ERC1: variants seen among roughly 807,000 people sequenced by gnomAD.
ERC1 encodes the protein RAB6 interacting protein 2.
In ERC1, 56 loss-of-function variants were observed where a neutral mutation model predicts 132.0. The ratio of observed to expected loss-of-function variants is 0.42; its 90% CI spans 0.34 to 0.53. The LOEUF is 0.53. Ranked by LOEUF, ERC1 falls within the 20% of genes least tolerant of loss-of-function variation. The pLI, the probability that ERC1 is intolerant of heterozygous loss-of-function variation, is 0.03. For synonymous variants in ERC1, 478 were observed against 476.1 expected, an observed-to-expected ratio of 1.00 and a Z score of -0.05; for missense variants, 1,202 against 1,349.9, an observed-to-expected ratio of 0.89 and a Z score of 1.72.
intron 16 of ERC1, among the ~76,000 whole-genome samples, chr12:1,400,916 A>ATTATTATTT (rs2090981093): frequency 1.3e-4 from 2 of 15,040 alleles, no homozygotes; most frequent in African/African-American, 3.1e-4. Context: ...CTATTTTTGT[A>ATTATTATTT]TTTTTTTTTT....
intron 1 of ERC1, among the ~76,000 whole-genome samples, chr12:1,004,183 G>A (rs1762160866): frequency 6.6e-6 from 1 of 152,138 alleles, no homozygotes; most frequent in African/African-American, 2.4e-5. Flanking sequence ...TTTCCCTACA[G>A]ATGTTTGTTA....
intron 4 of ERC1, among the ~76,000 whole-genome samples, chr12:1,105,766 T>C (rs764162652): frequency 4.6e-5 from 7 of 152,224 alleles, no homozygotes; most frequent in Non-Finnish European, 8.8e-5. Context: ...TACAAGTACT[T>C]GACGTGACAA....
intron 2 of ERC1, among the ~76,000 whole-genome samples, chr12:1,044,305 G>C (rs1970742698): frequency 6.6e-6 from 1 of 152,178 alleles, no homozygotes; most frequent in Non-Finnish European, 1.5e-5. Context: ...AGTTATCCTA[G>C]TGGAATTCTC....
At chr12:1,351,214 A>G (rs1207151186) in intron 15 of ERC1, among the ~76,000 whole-genome samples, 2 of 152,234 alleles carry the variant, frequency 1.3e-5, no homozygotes, top group East Asian at 3.8e-4. Context: ...ACAAATCTAA[A>G]GAATAGCTCT....
At chr12:1,227,769 A>G (rs2074706148) in intron 12 of ERC1, among the ~76,000 whole-genome samples, 1 of 152,136 alleles carries the variant, frequency 6.6e-6, no homozygotes, top group Admixed American at 6.5e-5. Context: ...GTTTTCTTCT[A>G]CTAGTTTTAA....
intron 16 of ERC1, among the ~76,000 whole-genome samples, chr12:1,390,414 TA>T (rs527567445): frequency 3.9e-5 from 6 of 152,314 alleles, no homozygotes; most frequent in African/African-American, 1.2e-4. Flanking sequence ...TCAATACATT[TA>T]AAAAATAATA....
At chr12:1,010,197 T>C (rs992236395) in intron 1 of ERC1, among the ~76,000 whole-genome samples, 1 of 152,176 alleles carries the variant, frequency 6.6e-6, no homozygotes, top group African/African-American at 2.4e-5. Flanking sequence ...AAAGGAAATA[T>C]TGGCTGGGTG....
rs35134824 is a variant in ERC1, at chr12:1,066,836, C to CAAA, written c.670-16312_670-16310dup. ...TGGGCAACAGAGCGAGACTCTGTCT[C>CAAA]AAAAAAAAAAAAAAAAAATTAGCAA... On this transcript the variant is annotated intron_variant, in intron 2 of 18. Transcript: ENST00000360905. 7.5e-4 allele frequency among the ~76,000 whole-genome samples: 98 copies of CAAA among 130,170 alleles called. 1 individual carries two copies. Among genetic ancestry groups the CAAA allele is most frequent in the South Asian group, 2.6e-3 (10 of 3,910 alleles). 85.4% of individuals were successfully genotyped at this position (130,170 alleles called of 152,430 possible).
In ERC1 at chr12:1,151,204, G is replaced by A. The variant is rs1036790295; in HGVS notation, c.1737+9417G>A. Among the ~76,000 whole-genome samples the A allele has an allele frequency of 2.0e-4, 31 of 152,172 alleles. 1 individual carries two copies. Among genetic ancestry groups the A allele is most frequent in the Admixed American group, 2.0e-3 (31 of 15,284 alleles). On this transcript the variant is annotated intron_variant, in intron 8 of 18. Coordinates refer to ENST00000360905, the MANE Select transcript of ERC1 (RefSeq NM_178040.4). ...AGAGAGCTCAAAAATAAAAAATTTG[G>A]AATGGCATTCTTTTCAAAGCTTGGT...
intron 18 of ERC1, among the ~76,000 whole-genome samples, chr12:1,452,870 C>T (rs12371582): frequency 1.4e-3 from 217 of 152,298 alleles, no homozygotes; most frequent in Non-Finnish European, 2.6e-3. Flanking sequence ...ACTAATTGAG[C>T]TGGGTTTGGG....
chr12:1,185,265 C>G (rs1424013732), intron 11 of ERC1, among the ~76,000 whole-genome samples: 3 of 151,872 alleles, frequency 2.0e-5, no homozygotes, highest in African/African-American at 7.3e-5. Flanking sequence ...GGTCTCAAAC[C>G]CCTGCCTCAA....
chr12:1,398,460 G>A (rs2090732264), intron 16 of ERC1, among the ~76,000 whole-genome samples: 2 of 152,152 alleles, frequency 1.3e-5, no homozygotes, highest in African/African-American at 4.8e-5. Flanking sequence ...AAGTAGTTTA[G>A]TAAACCCAGT....
At chr12:1,227,060 T>C (rs911619556) in intron 12 of ERC1, among the ~76,000 whole-genome samples, 27 of 152,366 alleles carry the variant, frequency 1.8e-4, no homozygotes, top group Middle Eastern at 3.4e-3. Flanking sequence ...TGCACACTTA[T>C]GTTGTTTCAC....
At chr12:1,137,105 T>C (rs534695344) in intron 7 of ERC1, among the ~76,000 whole-genome samples, 260 of 145,500 alleles carry the variant, frequency 1.8e-3, no homozygotes, top group African/African-American at 5.8e-3. Context: ...CTTTTCTTTT[T>C]TTTTTTTTTT....
At chr12:1,455,991 C>T (rs1404820127) in intron 18 of ERC1, among the ~76,000 whole-genome samples, 3 of 152,216 alleles carry the variant, frequency 2.0e-5, no homozygotes, top group Admixed American at 6.5e-5. Context: ...TGATCTTTCT[C>T]ATAGCTGCAA....
intron 14 of ERC1, among the ~76,000 whole-genome samples, chr12:1,269,008 T>C (rs754762667): frequency 7.9e-5 from 12 of 152,248 alleles, no homozygotes; most frequent in Non-Finnish European, 1.6e-4. Context: ...TTCAAGCTTA[T>C]GTTCAAGGAA....
intron 2 of ERC1, among the ~76,000 whole-genome samples, chr12:1,033,182 G>T (rs939099492): frequency 6.6e-6 from 1 of 151,818 alleles, no homozygotes; most frequent in Non-Finnish European, 1.5e-5. Flanking sequence ...GACTACAGGC[G>T]CCTGCCACCA....
chr12:1,265,500 A>G (rs982018676), intron 14 of ERC1, among the ~76,000 whole-genome samples: 5 of 152,202 alleles, frequency 3.3e-5, no homozygotes, highest in African/African-American at 9.7e-5. Flanking sequence ...TCTCTGCCTC[A>G]GTTTCCCCTA....
At chr12:1,147,706 T>C (rs988790701) in intron 8 of ERC1, among the ~76,000 whole-genome samples, 1 of 152,226 alleles carries the variant, frequency 6.6e-6, no homozygotes, top group Non-Finnish European at 1.5e-5. Flanking sequence ...AAAATTTCGC[T>C]GGTTATTGCA....
Sources: allele counts gnomAD v4.1 joint callset (sites outside exome capture counted in the v4.1 genomes callset), GRCh38; gene constraint gnomAD v4.1.1; transcripts MANE v1.5; gene names NCBI Gene and HGNC (gene_info 2026-07-23, HGNC 2026-07-21).